Variants in MAPKAPK2 observed in about 807,000 individuals in gnomAD.
MAPKAPK2 encodes the protein MAP kinase-activated protein kinase 2.
A neutral mutation model predicts 48.8 loss-of-function variants in MAPKAPK2; 9 were observed. That is an observed-to-expected ratio of 0.18 (90% CI 0.11 to 0.32). MAPKAPK2 has a LOEUF of 0.32. Among genes scored for constraint, MAPKAPK2 ranks in the 10% least tolerant of loss-of-function variants. The pLI, the probability that MAPKAPK2 is intolerant of heterozygous loss-of-function variation, is 1.00. For missense variants in MAPKAPK2, 331 were observed against 498.3 expected (o/e 0.66, Z 3.20); for synonymous variants, 202 against 190.6 (o/e 1.06, Z -0.49).
chr1:206,732,665 C>T lies in MAPKAPK2; in HGVS notation c.1150C>T (p.Leu384=), dbSNP rs781865671. ...TGAAGATGCATCCAACCCTCTGCTGCTGAAGAGGCGGAAGAAAGCTCGGGC... is the reference window on the plus strand; with the variant it reads ...TGAAGATGCATCCAACCCTCTGCTGTTGAAGAGGCGGAAGAAAGCTCGGGC... ...KIEDASNPLL[L]KRRKKARALE... Residue 384 remains leucine, a synonymous_variant, in exon 10 of 10, where the codon CTG becomes TTG. Coordinates refer to ENST00000367103, the MANE Select transcript of MAPKAPK2 (RefSeq NM_032960.4). The surrounding 1 kb of genome is among the most constrained non-coding windows in gnomAD (Gnocchi z 4.4). The T allele has an allele frequency of 6.8e-6, 11 of 1,614,116 alleles. 1 individual carries two copies. In the East Asian group the frequency reaches 1.1e-4, roughly 16 times the overall value.
rs1418092981 is a variant in MAPKAPK2 at position 206,684,950 on chromosome 1, G to T, written c.-280G>T. On this transcript the variant is annotated 5_prime_UTR_variant, in exon 1 of 10. Transcript: ENST00000367103. ...GGGCTGGGTACATTGTCGCGCGGCC[G>T]CTTCCCCCCGGCCGGGCCCCCGCCG... 3 of 148,258 alleles carry T rather than the reference G, an allele frequency of 2.0e-5. No individual in the cohort carries two copies. The highest frequency in any genetic ancestry group is 2.1e-4 in the East Asian group (1 of 4,750). The allele number at this position is 148,258 out of a possible 1,614,324, so 9.2% of individuals were successfully genotyped here.
At chr1:206,720,681 A>G (rs970946450) in intron 1 of MAPKAPK2, among the ~76,000 whole-genome samples, 1 of 152,116 alleles carries the variant, frequency 6.6e-6, no homozygotes, top group Non-Finnish European at 1.5e-5. Context: ...TTTTTTTTAT[A>G]TACAGATCCA....
intron 1 of MAPKAPK2, among the ~76,000 whole-genome samples, chr1:206,724,564 T>G (rs1399804884): frequency 4.6e-5 from 7 of 151,954 alleles, no homozygotes; most frequent in Admixed American, 2.6e-4. Context: ...TTTTTTTTTT[T>G]TTGTTAAATT....
intron 5 of MAPKAPK2, 124 bp downstream of exon 5, chr1:206,730,222 G>A (rs2102415778): frequency 8.5e-7 from 1 of 1,178,714 alleles, no homozygotes; most frequent in Admixed American, 2.3e-5. Flanking sequence ...TTCTGGTGCT[G>A]GTTCTGCTGG....
intron 1 of MAPKAPK2, among the ~76,000 whole-genome samples, chr1:206,690,915 A>C (rs1553426160): frequency 6.6e-6 from 1 of 152,178 alleles, no homozygotes; most frequent in East Asian, 1.9e-4. Flanking sequence ...GCCAAGTGTC[A>C]TGTGAGGTCT....
rs75103418 is a variant in MAPKAPK2 at position 206,718,374 on chromosome 1, T to C, written c.280-10336T>C. Among the ~76,000 whole-genome samples the C allele has an allele frequency of 3.1e-3, 469 of 151,882 alleles. 18 individuals are homozygous for C. In the East Asian group the frequency reaches 0.078, roughly 25 times the overall value. On this transcript the variant is annotated intron_variant, in intron 1 of 9. Coordinates refer to ENST00000367103, the MANE Select transcript of MAPKAPK2 (RefSeq NM_032960.4). Reference sequence around the variant, plus strand: ...GTGAAACCCTGTCTCTACTAAAAAATACAAAAAATTAGCCAGGCATGGTGG... The same window carrying C: ...GTGAAACCCTGTCTCTACTAAAAAACACAAAAAATTAGCCAGGCATGGTGG...
In MAPKAPK2 at chr1:206,728,813, A is replaced by G; in HGVS notation, c.383A>G (p.Tyr128Cys). ...VRIVDVYENL[Y>C]AGRKCLLIVM... Reference sequence around the variant, plus strand: ...ATCGTGGATGTGTACGAGAATCTGTACGCAGGGAGGAAGTGCCTGCTGATT... The same window carrying G: ...ATCGTGGATGTGTACGAGAATCTGTGCGCAGGGAGGAAGTGCCTGCTGATT... Residue 128 changes from tyrosine to cysteine, a missense_variant, in exon 2 of 10, where the codon TAC becomes TGC. Coordinates refer to ENST00000367103, the MANE Select transcript of MAPKAPK2 (RefSeq NM_032960.4). The G allele has an allele frequency of 6.2e-7, 1 of 1,614,192 alleles. No individual in the cohort carries two copies. The highest frequency in any genetic ancestry group is 1.1e-5 in the South Asian group (1 of 91,092).
At chr1:206,695,450 GTTTTTTT>G (rs797043593) in intron 1 of MAPKAPK2, among the ~76,000 whole-genome samples, 5 of 123,012 alleles carry the variant, frequency 4.1e-5, no homozygotes, top group Middle Eastern at 8.8e-3. Context: ...GCCCTGATCT[GTTTTTTT>G]TTTTTTTTTT....
chr1:206,690,605 A>C (rs2102373434), intron 1 of MAPKAPK2, among the ~76,000 whole-genome samples: 1 of 152,322 alleles, frequency 6.6e-6, no homozygotes, highest in East Asian at 1.9e-4. Flanking sequence ...AAGCAGGTAC[A>C]GGGGATTGGG....
intron 1 of MAPKAPK2, among the ~76,000 whole-genome samples, chr1:206,687,690 A>G (rs2102369977): frequency 6.6e-6 from 1 of 152,358 alleles, no homozygotes; most frequent in Admixed American, 6.5e-5. Context: ...AGAGATTTCT[A>G]GATCTTGAAT....
At chr1:206,712,891 G>C (rs373953663) in intron 1 of MAPKAPK2, among the ~76,000 whole-genome samples, 2 of 150,866 alleles carry the variant, frequency 1.3e-5, no homozygotes, top group Non-Finnish European at 2.9e-5. Flanking sequence ...TCTTGGACCC[G>C]GGAGGTGGAG....
chr1:206,729,179 C>T, intron 3 of MAPKAPK2, 80 bp downstream of exon 3: 1 of 1,459,884 alleles, frequency 6.8e-7, no homozygotes, highest in Admixed American at 1.7e-5. Context: ...AGTGCCTGCT[C>T]TTGGGGAAGG....
At chr1:206,717,257 C>T (rs548003835) in intron 1 of MAPKAPK2, among the ~76,000 whole-genome samples, 2 of 152,286 alleles carry the variant, frequency 1.3e-5, no homozygotes, top group Non-Finnish European at 2.9e-5. Flanking sequence ...CGCACCTGTA[C>T]GATGGAGTCA....
chr1:206,700,965 A>G (rs1168867642), intron 1 of MAPKAPK2, among the ~76,000 whole-genome samples: 1 of 152,186 alleles, frequency 6.6e-6, no homozygotes, highest in African/African-American at 2.4e-5. Context: ...AGAACAGGGT[A>G]AAGTCCTTGG....
At chr1:206,720,557 G>C (rs1396555162) in intron 1 of MAPKAPK2, among the ~76,000 whole-genome samples, 2 of 152,100 alleles carry the variant, frequency 1.3e-5, no homozygotes, top group Non-Finnish European at 2.9e-5. Context: ...CAGGCTTTCA[G>C]CATGTTGGCC....
chr1:206,729,956 G>C lies in MAPKAPK2; in HGVS notation c.565-16G>C. ...GGTCCAGCAGGGTTGCTATTTTTCT[G>C]TCTCTCTTTCTGTAGCCTGAGAATC... On this transcript the variant is annotated splice_polypyrimidine_tract_variant and intron_variant, in intron 4 of 9. Coordinates refer to ENST00000367103, the MANE Select transcript of MAPKAPK2 (RefSeq NM_032960.4). The C allele has an allele frequency of 6.2e-7, 1 of 1,614,066 alleles. No individual in the cohort carries two copies.
Position 206,731,299 on chromosome 1 carries a change from C to CAT in MAPKAPK2, c.892+37_892+38insAT, listed in dbSNP as rs1558589695. The CAT allele has an allele frequency of 4.5e-6, 7 of 1,561,532 alleles. No homozygotes were observed. The highest frequency in any genetic ancestry group is 1.1e-5 in the South Asian group (1 of 87,738). ...GGCTTTCAGGACAAGGGGAAGAGCC[C>CAT]GTGTGTGTGTGTGTGTGTGTATGTG... On this transcript the variant is annotated intron_variant, in intron 7 of 9. Transcript: ENST00000367103. This position sits in a 1 kb window ranked among gnomAD's most constrained non-coding sequence, Gnocchi z 5.9.
At chr1:206,692,495 T>C (rs1157887360) in intron 1 of MAPKAPK2, among the ~76,000 whole-genome samples, 1 of 152,182 alleles carries the variant, frequency 6.6e-6, no homozygotes, top group Non-Finnish European at 1.5e-5. Flanking sequence ...AGGTTTAGAC[T>C]GTGGGGTCCT....
intron 1 of MAPKAPK2, among the ~76,000 whole-genome samples, chr1:206,711,722 A>T (rs1256598918): frequency 7.5e-5 from 11 of 146,182 alleles, no homozygotes; most frequent in Non-Finnish European, 1.5e-4. Context: ...GGCTCAAGTG[A>T]TCCTCATGTC....
Sources: allele counts gnomAD v4.1 joint callset (sites outside exome capture counted in the v4.1 genomes callset), GRCh38; gene constraint gnomAD v4.1.1; non-coding constraint Gnocchi (gnomAD v3.1); transcripts MANE v1.5; gene names NCBI Gene and HGNC (gene_info 2026-07-23, HGNC 2026-07-21).